The following FRMD4A variants were observed in gnomAD, a reference collection of about 807,000 sequenced individuals.
FRMD4A encodes the protein FERM domain-containing protein 4A.
A neutral mutation model predicts 129.1 loss-of-function variants in FRMD4A; 29 were observed. That is an observed-to-expected ratio of 0.22 (90% CI 0.17 to 0.31). The LOEUF (loss-of-function observed/expected upper bound fraction) is 0.31. Among genes scored for constraint, FRMD4A ranks in the 10% least tolerant of loss-of-function variants. The pLI is 1.00. For missense variants in FRMD4A, 1,272 were observed against 1,375.8 expected, an observed-to-expected ratio of 0.92 and a Z score of 1.19; for synonymous variants, 634 against 571.6, an observed-to-expected ratio of 1.11 and a Z score of -1.56.
chr10:13,690,108 T>C (rs111804348), intron 15 of FRMD4A, among the ~76,000 whole-genome samples: 43 of 152,214 alleles, frequency 2.8e-4, no homozygotes, highest in African/African-American at 9.2e-4. Context: ...CATATCACCT[T>C]TTCTGAATGA....
chr10:13,857,586 T>C (rs1405610903), intron 3 of FRMD4A, among the ~76,000 whole-genome samples: 1 of 152,150 alleles, frequency 6.6e-6, no homozygotes. Flanking sequence ...AGTTTGAACA[T>C]TTTCAATTCC....
chr10:14,109,398 G>C (rs979600273), intron 2 of FRMD4A, among the ~76,000 whole-genome samples: 2 of 152,178 alleles, frequency 1.3e-5, no homozygotes, highest in Non-Finnish European at 2.9e-5. Context: ...GTTCTGCAAA[G>C]AAGGAGAAGA....
intron 5 of FRMD4A, among the ~76,000 whole-genome samples, chr10:13,794,089 A>C (rs1197861148): frequency 6.6e-6 from 1 of 152,102 alleles, no homozygotes; most frequent in African/African-American, 2.4e-5. Context: ...AGGAGAGGGC[A>C]GTACAGAGGG....
At chr10:13,986,253 T>C (rs2131414543) in intron 2 of FRMD4A, among the ~76,000 whole-genome samples, 1 of 151,370 alleles carries the variant, frequency 6.6e-6, no homozygotes, top group African/African-American at 2.4e-5. Context: ...AACCCAAATG[T>C]CCAACAATGA....
rs187309155 is a variant in FRMD4A at position 13,725,085 on chromosome 10, C to G, written c.759+12759G>C. Among the ~76,000 whole-genome samples the G allele has an allele frequency of 1.4e-3, 206 of 152,326 alleles. 1 individual carries two copies. Among genetic ancestry groups the G allele is most frequent in the African/African-American group, 4.9e-3 (204 of 41,570 alleles). On this transcript the variant is annotated intron_variant, in intron 12 of 24. Coordinates refer to ENST00000357447, the MANE Select transcript of FRMD4A (RefSeq NM_018027.5). ...TCTTTCATTCATGACTCCCCTCTGG[C>G]TTTAAAATGAGCTTGCTTTATTTAC...
intron 2 of FRMD4A, among the ~76,000 whole-genome samples, chr10:13,980,787 T>G (rs950187169): frequency 2.0e-5 from 3 of 152,174 alleles, no homozygotes; most frequent in Non-Finnish European, 2.9e-5. Context: ...TTTAACAAAG[T>G]CTTCTCATGA....
At chr10:13,876,006 T>C (rs952968491) in intron 2 of FRMD4A, among the ~76,000 whole-genome samples, 1 of 152,208 alleles carries the variant, frequency 6.6e-6, no homozygotes, top group Non-Finnish European at 1.5e-5. Context: ...AGAAGATACA[T>C]TCGGATTCAA....
chr10:14,231,412 G>C (rs1308704349), intron 2 of FRMD4A, among the ~76,000 whole-genome samples: 1 of 150,088 alleles, frequency 6.7e-6, no homozygotes, highest in Non-Finnish European at 1.5e-5. Context: ...GCATGACCTC[G>C]GCTCACTGAA....
intron 2 of FRMD4A, among the ~76,000 whole-genome samples, chr10:14,167,122 G>T (rs1405046587): frequency 1.3e-5 from 2 of 152,138 alleles, no homozygotes; most frequent in African/African-American, 4.8e-5. Context: ...AAAAAGAGAA[G>T]TATTTAAGGT....
chr10:14,184,491 T>A (rs1842019329), intron 2 of FRMD4A, among the ~76,000 whole-genome samples: 2 of 150,760 alleles, frequency 1.3e-5, no homozygotes, highest in Admixed American at 1.3e-4. Context: ...TCTATTATGT[T>A]AAAAAAAATG....
In FRMD4A at chr10:13,924,421, T is replaced by TC. The variant is rs398045862; in HGVS notation, c.46-65510dup. ...TTTTCTTCTCGTTCCTTTTTTTTTTTCCCAGTCATCAGAAAAGCCATGCTC... is the reference window on the plus strand; with the variant it reads ...TTTTCTTCTCGTTCCTTTTTTTTTTTCCCCAGTCATCAGAAAAGCCATGCTC... On this transcript the variant is annotated intron_variant, in intron 2 of 24. Coordinates refer to ENST00000357447, the MANE Select transcript of FRMD4A (RefSeq NM_018027.5). Among the ~76,000 whole-genome samples, 382 of 151,242 alleles carry TC rather than the reference T, an allele frequency of 2.5e-3. 6 individuals are homozygous for TC. The highest frequency in any genetic ancestry group is 0.019 in the Admixed American group (283 of 15,168).
In FRMD4A at chr10:13,666,911, CTTTTTTT is replaced by C. The variant is rs10546068; in HGVS notation, c.1375-593_1375-587del. Among the ~76,000 whole-genome samples the C allele has an allele frequency of 6.6e-4, 76 of 114,374 alleles. 2 individuals are homozygous for C. The South Asian group carries it at 6.8e-3, about 10-fold the overall frequency. The allele number at this position is 114,374 out of a possible 152,430, so 75.0% of individuals were successfully genotyped here. On this transcript the variant is annotated intron_variant, in intron 17 of 24. Transcript: ENST00000357447. ...CTTTCGGGAGCTTTTCTTTTCTTTT[CTTTTTTT>C]TTTTTTTTTTTTGAGATGGATCTTG...
chr10:13,809,944 T>C (rs954082597), intron 4 of FRMD4A, among the ~76,000 whole-genome samples: 2 of 152,220 alleles, frequency 1.3e-5, no homozygotes, highest in African/African-American at 4.8e-5. Flanking sequence ...GATGCCCACC[T>C]GTTCTTGCTT....
At chr10:14,177,627 G>A (rs11258919) in intron 2 of FRMD4A, among the ~76,000 whole-genome samples, 73 of 152,110 alleles carry the variant, frequency 4.8e-4, no homozygotes, top group Non-Finnish European at 6.8e-4. Flanking sequence ...TAGAACAGAG[G>A]GGGGACTATG....
At chr10:13,904,393 C>T (rs377368987) in intron 2 of FRMD4A, among the ~76,000 whole-genome samples, 5 of 152,220 alleles carry the variant, frequency 3.3e-5, no homozygotes, top group African/African-American at 7.2e-5. Context: ...CCTCATTCCC[C>T]GGGAAGCCTT....
intron 15 of FRMD4A, chr10:13,685,032 G>C (rs2084946604): frequency 1.0e-6 from 1 of 984,458 alleles, no homozygotes; most frequent in African/African-American, 1.7e-5. Flanking sequence ...CCTCAGTGAT[G>C]AATTCCTTAC....
chr10:13,918,009 C>T (rs1441622321), intron 2 of FRMD4A, among the ~76,000 whole-genome samples: 1 of 152,242 alleles, frequency 6.6e-6, no homozygotes, highest in Non-Finnish European at 1.5e-5. Flanking sequence ...CCTTAGTCAA[C>T]AGGCATTTCC....
intron 2 of FRMD4A, among the ~76,000 whole-genome samples, chr10:13,951,054 G>C (rs2131334120): frequency 1.3e-5 from 2 of 152,330 alleles, no homozygotes; most frequent in Middle Eastern, 3.4e-3. Flanking sequence ...CTAGCAATGA[G>C]AAGGCTCAGA....
chr10:14,250,770 G>C (rs1420685276), intron 2 of FRMD4A, among the ~76,000 whole-genome samples: 1 of 152,140 alleles, frequency 6.6e-6, no homozygotes, highest in East Asian at 1.9e-4. Context: ...ATGAAGACAT[G>C]GGCACAGTGA....
Sources: allele counts gnomAD v4.1 joint callset (sites outside exome capture counted in the v4.1 genomes callset), GRCh38; gene constraint gnomAD v4.1.1; transcripts MANE v1.5; gene names NCBI Gene and HGNC (gene_info 2026-07-23, HGNC 2026-07-21).